Variants in FBXL4 observed in about 807,000 individuals in gnomAD.
The protein encoded by FBXL4 is F-box and leucine rich repeat protein 4.
FBXL4 carries 40 observed loss-of-function variants against 58.9 expected under a neutral mutation model. The ratio of observed to expected loss-of-function variants is 0.68; its 90% CI spans 0.53 to 0.88. The LOEUF (loss-of-function observed/expected upper bound fraction) is 0.88, where lower values mean the gene tolerates loss of function less well. Among genes scored for constraint, FBXL4 ranks in the 40% least tolerant of loss-of-function variants. The pLI is 0.00. For synonymous variants in FBXL4, 263 were observed against 265.5 expected (o/e 0.99, Z 0.09); for missense variants, 676 against 734.4 (o/e 0.92, Z 0.92).
chr6:98,878,157 T>C (rs1562215492), intron 8 of FBXL4, among the ~76,000 whole-genome samples: 1 of 152,158 alleles, frequency 6.6e-6, no homozygotes, highest in African/African-American at 2.4e-5. Flanking sequence ...ACAATCACCA[T>C]GGGAAAGTCA....
chr6:98,897,660 G>C (rs1370350165), intron 7 of FBXL4, among the ~76,000 whole-genome samples: 1 of 152,164 alleles, frequency 6.6e-6, no homozygotes, highest in Admixed American at 6.5e-5. Context: ...GGAATTTCAA[G>C]GGGCATGGCA....
At chr6:98,926,366 T>A in intron 4 of FBXL4, 111 bp downstream of exon 4, 1 of 1,218,272 alleles carries the variant, frequency 8.2e-7, no homozygotes, top group Non-Finnish European at 1.1e-6. Flanking sequence ...ATTTTCAAAA[T>A]CAAATTCAAT....
In FBXL4 at chr6:98,881,316, G is replaced by C. The variant is rs546521942; in HGVS notation, c.1318-692C>G. On this transcript the variant is annotated intron_variant, in intron 7 of 9. Transcript: ENST00000369244. ...ACCCAAAGACTGCTACATAATCATGGCACCCTAAAATATTTTTTTAAAAAA... is the reference window on the plus strand; with the variant it reads ...ACCCAAAGACTGCTACATAATCATGCCACCCTAAAATATTTTTTTAAAAAA... Among the ~76,000 whole-genome samples the C allele has an allele frequency of 3.9e-5, 6 of 152,142 alleles. No homozygotes were observed. The East Asian group carries it at 1.2e-3, about 29-fold the overall frequency.
At chr6:98,912,433 CG>C (rs1190034275) in intron 5 of FBXL4, among the ~76,000 whole-genome samples, 1 of 152,110 alleles carries the variant, frequency 6.6e-6, no homozygotes, top group Non-Finnish European at 1.5e-5. Flanking sequence ...AGAGAAAGGT[CG>C]GGTTACCCAC....
chr6:98,927,406 C>G (rs969021699), intron 3 of FBXL4, among the ~76,000 whole-genome samples: 48 of 152,222 alleles, frequency 3.2e-4, no homozygotes, highest in African/African-American at 1.1e-3. Flanking sequence ...ATATGGTGAA[C>G]CACTAAAATA....
At chr6:98,899,132 T>C (rs772477574) in intron 7 of FBXL4, 136 bp downstream of exon 7, 56 of 1,439,090 alleles carry the variant, frequency 3.9e-5, no homozygotes, top group East Asian at 5.0e-5. Context: ...ATCAGCTCTA[T>C]TGATTTCAGA....
intron 7 of FBXL4, chr6:98,898,132 T>C (rs962300197): frequency 5.4e-6 from 1 of 186,034 alleles, no homozygotes; most frequent in Admixed American, 6.5e-5. Context: ...CAGGAAGCCA[T>C]CTCTAAAAAA....
intron 1 of FBXL4, among the ~76,000 whole-genome samples, chr6:98,947,327 C>G (rs556620810): frequency 2.0e-5 from 3 of 152,232 alleles, no homozygotes; most frequent in Non-Finnish European, 4.4e-5. Context: ...GCTGGGCACC[C>G]TGTAGCAGTC....
At chr6:98,941,452 G>A (rs1261846628) in intron 1 of FBXL4, among the ~76,000 whole-genome samples, 1 of 152,126 alleles carries the variant, frequency 6.6e-6, no homozygotes, top group Non-Finnish European at 1.5e-5. Context: ...GCCACACAAG[G>A]AATTTTTAGG....
Position 98,901,058 on chromosome 6 carries a change from A to G in FBXL4, c.1104-1577T>C, listed in dbSNP as rs568885571. Among the ~76,000 whole-genome samples the G allele has an allele frequency of 5.3e-5, 8 of 152,274 alleles. No individual in the cohort carries two copies. In the South Asian group the frequency reaches 1.0e-3, roughly 20 times the overall value. ...GGCACTGGGGAGATAGCAGTGGACA[A>G]AACAAAATCCCTGCTCTCATGAAGC... On this transcript the variant is annotated intron_variant, in intron 6 of 9. Transcript: ENST00000369244.
chr6:98,937,940 C>A (rs1773283974), intron 1 of FBXL4, among the ~76,000 whole-genome samples: 1 of 152,064 alleles, frequency 6.6e-6, no homozygotes, highest in African/African-American at 2.4e-5. Context: ...CTCGTCTCCA[C>A]CAAGTTGTTT....
In FBXL4 at chr6:98,875,509, T is replaced by G; in HGVS notation, c.1608A>C (p.Gln536His). ...TRLAHQLPNL[Q>H]KLFLTANRSV... Reference sequence around the variant, plus strand: ...ATCTATTAGCTGTAAGAAAGAGTTTTTGCAAGTTTGGGAGCTGGTGTGCCA... The same window carrying G: ...ATCTATTAGCTGTAAGAAAGAGTTTGTGCAAGTTTGGGAGCTGGTGTGCCA... Residue 536 changes from glutamine to histidine, a missense_variant, in exon 9 of 10, where the codon CAA becomes CAC. Gln to His is a conservative substitution (Grantham distance 24, BLOSUM62 0). Coordinates refer to ENST00000369244, the MANE Select transcript of FBXL4 (RefSeq NM_001278716.2). 6.2e-7 allele frequency: 1 copy of G among 1,614,144 alleles called. No homozygotes were observed. The highest frequency in any genetic ancestry group is 8.5e-7 in the Non-Finnish European group (1 of 1,180,006).
chr6:98,930,272 A>C (rs1562247751), intron 2 of FBXL4, among the ~76,000 whole-genome samples: 1 of 152,168 alleles, frequency 6.6e-6, no homozygotes. Flanking sequence ...TAAAATAAAT[A>C]GGCTGGGCAT....
At chr6:98,926,171 C>T (rs1023509363) in intron 4 of FBXL4, among the ~76,000 whole-genome samples, 8 of 152,226 alleles carry the variant, frequency 5.3e-5, no homozygotes, top group East Asian at 1.9e-4. Flanking sequence ...AGTCATATTT[C>T]GTACTAACGT....
intron 6 of FBXL4, among the ~76,000 whole-genome samples, chr6:98,900,061 T>C (rs945118441): frequency 1.3e-5 from 2 of 152,222 alleles, no homozygotes; most frequent in Admixed American, 1.3e-4. Flanking sequence ...ATTGAAAATA[T>C]TCAATTGCAG....
chr6:98,891,096 C>A (rs1032080984), intron 7 of FBXL4, among the ~76,000 whole-genome samples: 19 of 152,072 alleles, frequency 1.2e-4, no homozygotes, highest in Admixed American at 1.2e-3. Context: ...TTCAAATACA[C>A]AATATGGTAT....
intron 1 of FBXL4, among the ~76,000 whole-genome samples, chr6:98,937,337 C>T (rs1432751312): frequency 1.3e-5 from 2 of 151,894 alleles, no homozygotes; most frequent in East Asian, 3.9e-4. Context: ...TTTTGACTCA[C>T]CCAAAACTTT....
At chr6:98,932,673 A>T (rs1028518192) in intron 2 of FBXL4, among the ~76,000 whole-genome samples, 10 of 152,200 alleles carry the variant, frequency 6.6e-5, no homozygotes, top group African/African-American at 2.4e-4. Context: ...TAACAAAGGC[A>T]GCAATCAGAA....
chr6:98,926,821 T>C lies in FBXL4; in HGVS notation c.168A>G (p.Lys56=). The part of the protein sequence containing the change: ...PLNAEVVQYA[K]EVVDFSSHYG... ...AATGGGAACTGAAATCCACTACTTC[T>C]TTGGCATACTGGACTACCTCTGCAT... is the stretch of plus-strand genomic sequence containing the variant. The change falls in exon 4 of 10, where the codon AAA becomes AAG. Residue 56 remains lysine, a synonymous_variant. Coordinates refer to ENST00000369244, the MANE Select transcript of FBXL4 (RefSeq NM_001278716.2). 6.2e-7 allele frequency: 1 copy of C among 1,614,208 alleles called. No individual in the cohort carries two copies. The highest frequency in any genetic ancestry group is 1.1e-5 in the South Asian group (1 of 91,088).
Sources: gnomAD v4.1 joint callset for allele counts (sites outside exome capture counted in the v4.1 genomes callset) on GRCh38, gnomAD v4.1.1 for gene constraint, MANE v1.5 for transcripts, NCBI Gene and HGNC (gene_info 2026-07-23, HGNC 2026-07-21) for gene names.